The following LIPH variants were observed in gnomAD, a reference collection of about 807,000 sequenced individuals.
LIPH encodes the protein lipase H, also known as lipase member H.
A neutral mutation model predicts 47.6 loss-of-function variants in LIPH; 32 were observed. The observed-to-expected ratio is 0.67, with a 90% confidence interval of 0.51 to 0.90. The LOEUF is 0.90. Among genes scored for constraint, LIPH ranks in the 40% least tolerant of loss-of-function variants. LIPH has a pLI of 0.00. For synonymous variants in LIPH, 190 were observed against 195.6 expected (o/e 0.97, Z 0.24); for missense variants, 497 against 541.4 (o/e 0.92, Z 0.81).
At chr3:185,533,173 C>T (rs1720387877) in intron 3 of LIPH, among the ~76,000 whole-genome samples, 2 of 152,070 alleles carry the variant, frequency 1.3e-5, no homozygotes, top group South Asian at 2.1e-4. Flanking sequence ...ATTCCCATCT[C>T]GTTTTCTTAT....
chr3:185,539,763 T>C (rs1214192928), intron 1 of LIPH, among the ~76,000 whole-genome samples: 1 of 152,218 alleles, frequency 6.6e-6, no homozygotes, highest in Non-Finnish European at 1.5e-5. Context: ...GTATATCTAT[T>C]AACATTTATT....
At chr3:185,540,246 A>T (rs960223024) in intron 1 of LIPH, among the ~76,000 whole-genome samples, 3 of 152,158 alleles carry the variant, frequency 2.0e-5, no homozygotes, top group Non-Finnish European at 4.4e-5. Context: ...GAATTCGGCA[A>T]TGCTATGTTT....
At chr3:185,538,912 T>C (rs574135077) in intron 1 of LIPH, among the ~76,000 whole-genome samples, 3 of 145,752 alleles carry the variant, frequency 2.1e-5, no homozygotes, top group Non-Finnish European at 4.5e-5. Flanking sequence ...CATATACACA[T>C]ATATACACAT....
At chr3:185,529,915 A>AAAGG (rs1171876239) in intron 3 of LIPH, among the ~76,000 whole-genome samples, 3 of 36,848 alleles carry the variant, frequency 8.1e-5, no homozygotes, top group South Asian at 1.7e-3. Context: ...GAAAAGAAAG[A>AAAGG]AAGAAAGAAA....
intron 4 of LIPH, among the ~76,000 whole-genome samples, chr3:185,524,450 C>CTTTT (rs563332434): frequency 3.6e-5 from 5 of 138,200 alleles, no homozygotes; most frequent in African/African-American, 1.3e-4. Context: ...CATTTCTTCT[C>CTTTT]TTTTTTTTTT....
chr3:185,552,472 A>G lies in LIPH; in HGVS notation c.-1T>C, dbSNP rs774945848. 1.3e-6 allele frequency: 2 copies of G among 1,596,902 alleles called. No individual in the cohort carries two copies. The highest frequency in any genetic ancestry group is 1.1e-5 in the South Asian group (1 of 90,702). Reference sequence around the variant, plus strand: ...TGATGAATAAGTAGAATCTCAACATATGGAAACTGGAGAGATCGTGTGTCA... The same window carrying G: ...TGATGAATAAGTAGAATCTCAACATGTGGAAACTGGAGAGATCGTGTGTCA... On this transcript the variant is annotated 5_prime_UTR_variant, in exon 1 of 10. Transcript: ENST00000296252.
chr3:185,511,818 AC>A, intron 8 of LIPH, 121 bp from the exon 9 acceptor site: 6 of 605,672 alleles, frequency 9.9e-6, no homozygotes, highest in Non-Finnish European at 1.7e-5. Context: ...GCACCAGCTG[AC>A]TTTTTTTTTT....
At position 185,514,461 on chromosome 3, in the gene LIPH, G is replaced by T; in HGVS notation, c.1043C>A (p.Thr348Asn). 6.3e-7 allele frequency: 1 copy of T among 1,588,688 alleles called. No homozygotes were observed. Among genetic ancestry groups the T allele is most frequent in the Non-Finnish European group, 8.6e-7 (1 of 1,156,878 alleles). Residue 348 changes from threonine to asparagine, a missense_variant, in exon 8 of 10, where the codon ACC becomes AAC. Coordinates refer to ENST00000296252, the MANE Select transcript of LIPH (RefSeq NM_139248.3). Reference protein sequence around the residue: ...WNKNVRRGDITIKLRDKAGNT... With the variant: ...WNKNVRRGDINIKLRDKAGNT... Reference sequence around the variant, plus strand: ...TCCAGCTTTGTCTCTCAATTTGATGGTAATGTCCCCTCTTCTTACATTCTT... The same window carrying T: ...TCCAGCTTTGTCTCTCAATTTGATGTTAATGTCCCCTCTTCTTACATTCTT...
At position 185,535,093 on chromosome 3, in the gene LIPH, A is replaced by G. The variant is rs538672593; in HGVS notation, c.89T>C (p.Phe30Ser). 2 of 1,614,158 alleles carry G rather than the reference A, an allele frequency of 1.2e-6. No individual in the cohort carries two copies. Among genetic ancestry groups the G allele is most frequent in the African/African-American group, 2.7e-5 (2 of 75,044 alleles). The change falls in exon 2 of 10, where the codon TTT becomes TCT. Residue 30 changes from phenylalanine to serine, a missense_variant. Transcript: ENST00000296252. ...TCCCGTACCAACCACTGCACTGTGAAAGCTCAGCCTGGTGAATGAAGGACA... is the reference window on the plus strand; with the variant it reads ...TCCCGTACCAACCACTGCACTGTGAGAGCTCAGCCTGGTGAATGAAGGACA... Reference protein sequence around the residue: ...ETCPSFTRLSFHSAVVGTGLN... With the variant: ...ETCPSFTRLSSHSAVVGTGLN...
At chr3:185,517,802 G>T (rs1022496243) in intron 6 of LIPH, among the ~76,000 whole-genome samples, 1 of 152,134 alleles carries the variant, frequency 6.6e-6, no homozygotes, top group Non-Finnish European at 1.5e-5. Context: ...AGAACCCCTT[G>T]TCTATACCAT....
Position 185,551,634 on chromosome 3 carries a change from C to T in LIPH, c.49+789G>A, listed in dbSNP as rs566520582. ...AGGCTTTTTTCTTTTAAAAGTTATGCATTTAGAATAAATTCCCAGCAATGG... is the reference window on the plus strand; with the variant it reads ...AGGCTTTTTTCTTTTAAAAGTTATGTATTTAGAATAAATTCCCAGCAATGG... On this transcript the variant is annotated intron_variant, in intron 1 of 9. Transcript: ENST00000296252. Among the ~76,000 whole-genome samples, 39 of 152,138 alleles carry T rather than the reference C, an allele frequency of 2.6e-4. No homozygotes were observed. In the East Asian group the frequency reaches 6.6e-3, roughly 26 times the overall value.
Position 185,508,720 on chromosome 3 carries a change from G to A in LIPH, c.*70C>T. ...TTTTTCTGCCTTGCAGAAAGGTGAGGTGAAGCTTTCAAACAGCCTGTGGTT... is the reference window on the plus strand; with the variant it reads ...TTTTTCTGCCTTGCAGAAAGGTGAGATGAAGCTTTCAAACAGCCTGTGGTT... On this transcript the variant is annotated 3_prime_UTR_variant, in exon 10 of 10. Coordinates refer to ENST00000296252, the MANE Select transcript of LIPH (RefSeq NM_139248.3). 1 of 1,130,258 alleles carries A rather than the reference G, an allele frequency of 8.8e-7. No homozygotes were observed. Among genetic ancestry groups the A allele is most frequent in the Non-Finnish European group, 1.4e-6 (1 of 739,818 alleles). 70.0% of individuals were successfully genotyped at this position (1,130,258 alleles called of 1,614,324 possible). A position where few individuals can be genotyped will look rare whatever the true frequency, so the allele number is the denominator to read the frequency against.
At chr3:185,537,911 G>T (rs1341041047) in intron 1 of LIPH, among the ~76,000 whole-genome samples, 4 of 152,024 alleles carry the variant, frequency 2.6e-5, no homozygotes, top group Non-Finnish European at 5.9e-5. Flanking sequence ...GGCTCAAGCA[G>T]TCCTCCCACC....
chr3:185,517,920 C>A (rs577507046), intron 6 of LIPH, among the ~76,000 whole-genome samples: 1 of 152,150 alleles, frequency 6.6e-6, no homozygotes, highest in African/African-American at 2.4e-5. Flanking sequence ...TAATCCCTAG[C>A]GAATATCCAA....
intron 3 of LIPH, among the ~76,000 whole-genome samples, chr3:185,530,849 C>T (rs1371987968): frequency 6.6e-6 from 1 of 151,926 alleles, no homozygotes; most frequent in Non-Finnish European, 1.5e-5. Context: ...GCCTGGGTAA[C>T]AAAGTAAGAC....
rs534990743 is a variant in LIPH at position 185,516,262 on chromosome 3, G to A, written c.982+805C>T. 3.7e-3 allele frequency among the ~76,000 whole-genome samples: 569 copies of A among 152,014 alleles called. 1 individual carries two copies. The highest frequency in any genetic ancestry group is 0.013 in the African/African-American group (550 of 41,488). On this transcript the variant is annotated intron_variant, in intron 7 of 9. Coordinates refer to ENST00000296252, the MANE Select transcript of LIPH (RefSeq NM_139248.3). Reference sequence around the variant, plus strand: ...AGCCTGGCCAACATGGCAAAACCCCGTCTCTACTAAAAATACAAAAATTAG... The same window carrying A: ...AGCCTGGCCAACATGGCAAAACCCCATCTCTACTAAAAATACAAAAATTAG...
chr3:185,530,729 A>G (rs1286674858), intron 3 of LIPH, among the ~76,000 whole-genome samples: 1 of 152,142 alleles, frequency 6.6e-6, no homozygotes, highest in Non-Finnish European at 1.5e-5. Context: ...CTCTAGATTC[A>G]TGATGAATAA....
chr3:185,536,988 G>A (rs986288726), intron 1 of LIPH, among the ~76,000 whole-genome samples: 2 of 152,156 alleles, frequency 1.3e-5, no homozygotes, highest in African/African-American at 2.4e-5. Context: ...GGATTCAAGC[G>A]ATTCTCCTGC....
At chr3:185,529,032 C>G (rs1321313632) in intron 3 of LIPH, among the ~76,000 whole-genome samples, 1 of 137,570 alleles carries the variant, frequency 7.3e-6, no homozygotes, top group East Asian at 2.0e-4. Flanking sequence ...AAAAAATTAG[C>G]TGGGTGTGGT....
Sources: gnomAD v4.1 joint callset for allele counts (sites outside exome capture counted in the v4.1 genomes callset) on GRCh38, gnomAD v4.1.1 for gene constraint, MANE v1.5 for transcripts, NCBI Gene and HGNC (gene_info 2026-07-23, HGNC 2026-07-21) for gene names.